ST3GAL4: variants seen among roughly 807,000 people sequenced by gnomAD.
ST3GAL4 encodes ST3 beta-galactoside alpha-2,3-sialyltransferase 4.
Under a neutral mutation model 42.6 loss-of-function variants are expected in ST3GAL4, and 24 were observed. The observed-to-expected ratio is 0.56, with a 90% CI of 0.41 to 0.79. The LOEUF (loss-of-function observed/expected upper bound fraction) is 0.79, where lower values mean the gene tolerates loss of function less well. Ranked by LOEUF, ST3GAL4 falls within the 30% of genes least tolerant of loss-of-function variation. The pLI is 0.00. For synonymous variants in ST3GAL4, 135 were observed against 163.2 expected, an observed-to-expected ratio of 0.83 and a Z score of 1.32; for missense variants, 311 against 430.8, an observed-to-expected ratio of 0.72 and a Z score of 2.46.
chr11:126,398,923 G>T lies in ST3GAL4; in HGVS notation c.-60-7173G>T, dbSNP rs1214836477. The stretch of plus-strand genomic sequence containing the variant: ...GACTTGAGGTGGCCCTGGACAGTGA[G>T]CCACAGGTCCTGAGGGCTCCCAAGA... On this transcript the variant is annotated intron_variant, in intron 1 of 10. Coordinates refer to ENST00000444328, the MANE Select transcript of ST3GAL4 (RefSeq NM_001254757.2). This position sits in a 1 kb window ranked among gnomAD's most constrained non-coding sequence, Gnocchi z 4.7. Among the ~76,000 whole-genome samples, 1 of 152,198 alleles carries T rather than the reference G, an allele frequency of 6.6e-6. No homozygotes were observed. Among genetic ancestry groups the T allele is most frequent in the Non-Finnish European group, 1.5e-5 (1 of 68,036 alleles).
rs1230916493 is a variant in ST3GAL4, at chr11:126,396,747, G to A, written c.-60-9349G>A. ...GGATGTGGAGGTTCTGGCTGAAGGA[G>A]CCAGAATTCCAGTGCCAGCTCCACT... is the stretch of plus-strand genomic sequence containing the variant. On this transcript the variant is annotated intron_variant, in intron 1 of 10. Coordinates refer to ENST00000444328, the MANE Select transcript of ST3GAL4 (RefSeq NM_001254757.2). The surrounding 1 kb of genome is among the most constrained non-coding windows in gnomAD (Gnocchi z 5.8). Among the ~76,000 whole-genome samples, 1 of 149,614 alleles carries A rather than the reference G, an allele frequency of 6.7e-6. No individual in the cohort carries two copies. Among genetic ancestry groups the A allele is most frequent in the Non-Finnish European group, 1.5e-5 (1 of 67,428 alleles).
chr11:126,358,488 C>T, intron 1 of ST3GAL4: 1 of 454,998 alleles, frequency 2.2e-6, no homozygotes, highest in Non-Finnish European at 4.4e-6. Context: ...TCACCCCAAC[C>T]CCTGCCACAT....
chr11:126,404,067 A>G (rs1476280863), intron 1 of ST3GAL4, among the ~76,000 whole-genome samples: 5 of 152,180 alleles, frequency 3.3e-5, no homozygotes, highest in Admixed American at 3.3e-4. Context: ...TTTTTTGTTT[A>G]AGTACTTCAG....
rs1041374557 is a variant in ST3GAL4, at chr11:126,361,102, C to T, written c.-61+5260C>T. On this transcript the variant is annotated intron_variant, in intron 1 of 10. Transcript: ENST00000444328. ...CACATTTCTCTACCCATCACCCCTC[C>T]CTAGTAACCTTCAGGTCCCTGCAGA... 3.9e-5 allele frequency among the ~76,000 whole-genome samples: 6 copies of T among 152,346 alleles called. No individual in the cohort carries two copies. In the East Asian group the frequency reaches 5.8e-4, roughly 15 times the overall value.
chr11:126,395,173 C>T (rs1198014943), intron 1 of ST3GAL4, among the ~76,000 whole-genome samples: 1 of 152,214 alleles, frequency 6.6e-6, no homozygotes, highest in Admixed American at 6.5e-5. Context: ...TCCACCTGCA[C>T]TGGGGCAATG....
chr11:126,413,532 A>T lies in ST3GAL4; in HGVS notation c.799A>T (p.Thr267Ser). The T allele has an allele frequency of 6.2e-7, 1 of 1,614,192 alleles. No individual in the cohort carries two copies. Among genetic ancestry groups the T allele is most frequent in the Non-Finnish European group, 8.5e-7 (1 of 1,180,034 alleles). Residue 267 changes from threonine (T) to serine (S), a missense_variant, in exon 10 of 11, where the codon ACG (threonine) becomes TCG (serine). Physicochemically the swap from Thr to Ser is moderately conservative, Grantham distance 58. Coordinates refer to ENST00000444328, the MANE Select transcript of ST3GAL4 (RefSeq NM_001254757.2). The part of the protein sequence containing the change: ...QKPTTGLLAI[T>S]LALHLCDLVH... ...GCCCACCACGGGCCTGTTGGCCATC[A>T]CGCTGGCCCTCCACCTCTGTGACTT...
chr11:126,397,393 A>T lies in ST3GAL4; in HGVS notation c.-60-8703A>T, dbSNP rs2135507455. ...GGTATAAAAATGTCTCCAATCTCAG[A>T]GGTCATGGGATAGTGGGCAAGACAT... is the stretch of plus-strand genomic sequence containing the variant. On this transcript the variant is annotated intron_variant, in intron 1 of 10. Coordinates refer to ENST00000444328, the MANE Select transcript of ST3GAL4 (RefSeq NM_001254757.2). This position sits in a 1 kb window ranked among gnomAD's most constrained non-coding sequence, Gnocchi z 5.0. Among the ~76,000 whole-genome samples, 1 of 152,220 alleles carries T rather than the reference A, an allele frequency of 6.6e-6. No individual in the cohort carries two copies. Among genetic ancestry groups the T allele is most frequent in the East Asian group, 1.9e-4 (1 of 5,186 alleles).
At chr11:126,403,089 GCAGC>G (rs1954078331) in intron 1 of ST3GAL4, 1 of 152,384 alleles carries the variant, frequency 6.6e-6, no homozygotes, top group South Asian at 2.1e-4. Context: ...TCTTGAGGTA[GCAGC>G]CAGCCCCGGA....
At chr11:126,412,465 C>T (rs1591499829) in intron 9 of ST3GAL4, among the ~76,000 whole-genome samples, 1 of 152,146 alleles carries the variant, frequency 6.6e-6, no homozygotes, top group Admixed American at 6.5e-5. Context: ...TCAGGCTGCC[C>T]GTCACTGTGG....
intron 1 of ST3GAL4, among the ~76,000 whole-genome samples, chr11:126,372,714 C>T (rs193144690): frequency 9.9e-5 from 15 of 152,262 alleles, no homozygotes; most frequent in Non-Finnish European, 1.5e-4. Flanking sequence ...TTCACCCGGC[C>T]GTCTTTGGAT....
Position 126,408,620 on chromosome 11 carries a change from G to A in ST3GAL4, c.627+124G>A, listed in dbSNP as rs1158554488. 8.9e-6 allele frequency: 11 copies of A among 1,232,402 alleles called. No individual in the cohort carries two copies. In the Admixed American group the frequency reaches 9.2e-5, roughly 10 times the overall value. The allele number at this position is 1,232,402 out of a possible 1,614,324, so 76.3% of individuals were successfully genotyped here. On this transcript the variant is annotated intron_variant, in intron 8 of 10. Coordinates refer to ENST00000444328, the MANE Select transcript of ST3GAL4 (RefSeq NM_001254757.2). ...AGGCTGTGAGGGGACAGCATGAACC[G>A]GGCTCCCGGAAGTCAGCGCCTTAGG...
intron 1 of ST3GAL4, chr11:126,375,165 G>T (rs1441068579): frequency 6.6e-6 from 1 of 152,296 alleles, no homozygotes; most frequent in African/African-American, 2.4e-5. Context: ...GCAAAAAATG[G>T]TCGGATTCAT....
chr11:126,402,762 G>T (rs929632517), intron 1 of ST3GAL4, among the ~76,000 whole-genome samples: 4 of 152,202 alleles, frequency 2.6e-5, no homozygotes, highest in Non-Finnish European at 5.9e-5. Context: ...CCTCCACTGG[G>T]CCTTATTTCT....
chr11:126,406,590 C>T lies in ST3GAL4; in HGVS notation c.101+33C>T, dbSNP rs1383383498. 2 of 1,613,804 alleles carry T rather than the reference C, an allele frequency of 1.2e-6. No homozygotes were observed. Among genetic ancestry groups the T allele is most frequent in the East Asian group, 4.5e-5 (2 of 44,886 alleles). ...CACCTTCCATGTCCTTCCAGTGGCT[C>T]TTGTCAGGGACAGGGCTTAGGGATG... On this transcript the variant is annotated intron_variant, in intron 3 of 10. Coordinates refer to ENST00000444328, the MANE Select transcript of ST3GAL4 (RefSeq NM_001254757.2). The surrounding 1 kb of genome is among the most constrained non-coding windows in gnomAD (Gnocchi z 5.4).
intron 1 of ST3GAL4, among the ~76,000 whole-genome samples, chr11:126,390,618 C>CTTTTTTTTTTTTTTTTTTTTTTTTTT (rs58153137): frequency 3.9e-5 from 5 of 126,682 alleles, no homozygotes; most frequent in African/African-American, 1.3e-4. Flanking sequence ...GTGTTCTTTG[C>CTTTTTTTTTTTTTTTTTTTTTTTTTT]TTTTTTTTTT....
intron 9 of ST3GAL4, among the ~76,000 whole-genome samples, chr11:126,412,488 T>C (rs1228645646): frequency 6.6e-6 from 1 of 152,176 alleles, no homozygotes; most frequent in East Asian, 1.9e-4. Context: ...GAATTAGGCA[T>C]GAGCAACTGA....
intron 1 of ST3GAL4, among the ~76,000 whole-genome samples, chr11:126,395,870 C>T (rs546461261): frequency 6.6e-6 from 1 of 152,118 alleles, no homozygotes; most frequent in Non-Finnish European, 1.5e-5. Flanking sequence ...AACAGACTAA[C>T]GCAGGCAGCC....
rs149205990 is a variant in ST3GAL4 at position 126,386,717 on chromosome 11, C to T, written c.-60-19379C>T. Among the ~76,000 whole-genome samples, 438 of 152,268 alleles carry T rather than the reference C, an allele frequency of 2.9e-3. 1 individual carries two copies. Among genetic ancestry groups the T allele is most frequent in the African/African-American group, 9.2e-3 (383 of 41,560 alleles). ...AAATGGCATGGAGAAAGACAAACAC[C>T]GGTGGGTGGCTCTGCCAGCTTCCCC... On this transcript the variant is annotated intron_variant, in intron 1 of 10. Coordinates refer to ENST00000444328, the MANE Select transcript of ST3GAL4 (RefSeq NM_001254757.2). The surrounding 1 kb of genome is among the most constrained non-coding windows in gnomAD (Gnocchi z 4.7).
Position 126,391,567 on chromosome 11 carries a change from T to A in ST3GAL4, c.-60-14529T>A, listed in dbSNP as rs1004066748. ...TCTCCTACCTAACCCCAAGAATGAG[T>A]CCTTGAGTCTGTCTCAGTAGGTGGA... is the stretch of plus-strand genomic sequence containing the variant. On this transcript the variant is annotated intron_variant, in intron 1 of 10. Coordinates refer to ENST00000444328, the MANE Select transcript of ST3GAL4 (RefSeq NM_001254757.2). The surrounding 1 kb of genome is among the most constrained non-coding windows in gnomAD (Gnocchi z 5.5). 2.6e-5 allele frequency among the ~76,000 whole-genome samples: 4 copies of A among 152,128 alleles called. No homozygotes were observed. Among genetic ancestry groups the A allele is most frequent in the Admixed American group, 1.3e-4 (2 of 15,274 alleles).
Sources: allele counts gnomAD v4.1 joint callset (sites outside exome capture counted in the v4.1 genomes callset), GRCh38; gene constraint gnomAD v4.1.1; non-coding constraint Gnocchi (gnomAD v3.1); transcripts MANE v1.5; gene names NCBI Gene and HGNC (gene_info 2026-07-23, HGNC 2026-07-21).